The following QRFPR variants were observed in gnomAD, a reference collection of about 807,000 sequenced individuals.
QRFPR encodes the protein pyroglutamylated RFamide peptide receptor.
In QRFPR, 37 loss-of-function variants were observed where a neutral mutation model predicts 31.3. The ratio of observed to expected loss-of-function variants is 1.18; its 90% CI spans 0.91 to 1.56. QRFPR has a LOEUF of 1.56. Ranked by LOEUF, QRFPR falls within the 40% of genes most tolerant of loss-of-function variation. The pLI is 0.00. For missense variants in QRFPR, 542 were observed against 532.5 expected (o/e 1.02, Z -0.18); for synonymous variants, 197 against 192.0 (o/e 1.03, Z -0.22).
intron 2 of QRFPR, among the ~76,000 whole-genome samples, chr4:121,337,259 G>A (rs996905607): frequency 3.9e-5 from 6 of 152,052 alleles, no homozygotes; most frequent in East Asian, 1.9e-4. Context: ...AATGCACTGC[G>A]CCACTCCCTG....
At chr4:121,368,445 G>T (rs929790257) in intron 1 of QRFPR, among the ~76,000 whole-genome samples, 1 of 150,380 alleles carries the variant, frequency 6.6e-6, no homozygotes, top group Non-Finnish European at 1.5e-5. Context: ...TGCAAGAAAG[G>T]CTCTGCTAGA....
chr4:121,343,612 A>T (rs1453849892), intron 1 of QRFPR, among the ~76,000 whole-genome samples: 1 of 152,226 alleles, frequency 6.6e-6, no homozygotes, highest in East Asian at 1.9e-4. Flanking sequence ...TACTTGAATA[A>T]ATGAATATGG....
rs770186532 is a variant in QRFPR, at chr4:121,340,553, A to T, written c.398T>A (p.Ile133Asn). Residue 133 changes from isoleucine (I) to asparagine (N), a missense_variant, in exon 2 of 6, where the codon ATC (isoleucine) becomes AAC (asparagine). Physicochemically the swap from Ile to Asn is moderately radical, Grantham distance 149. Transcript: ENST00000394427. Reference protein sequence around the residue: ...FVQSTAVVTEILTMTCIAVER... With the variant: ...FVQSTAVVTENLTMTCIAVER... ...CACAGCAATGCAGGTCATAGTGAGG[A>T]TTTCTGTCACAACAGCGGTAGACTG... The T allele has an allele frequency of 6.2e-7, 1 of 1,614,088 alleles. No individual in the cohort carries two copies. Among genetic ancestry groups the T allele is most frequent in the Admixed American group, 1.7e-5 (1 of 59,986 alleles).
chr4:121,339,195 A>C (rs1170954987), intron 2 of QRFPR, among the ~76,000 whole-genome samples: 1 of 152,212 alleles, frequency 6.6e-6, no homozygotes, highest in African/African-American at 2.4e-5. Context: ...ATGTTTACTC[A>C]TTCTTCTCAA....
At chr4:121,376,237 C>T (rs1217427475) in intron 1 of QRFPR, among the ~76,000 whole-genome samples, 2 of 152,178 alleles carry the variant, frequency 1.3e-5, no homozygotes, top group Non-Finnish European at 2.9e-5. Context: ...CTTCTGCTAG[C>T]TCCATGTTGG....
At chr4:121,336,770 T>C (rs1308691724) in intron 3 of QRFPR, 37 bp downstream of exon 3, 4 of 1,499,156 alleles carry the variant, frequency 2.7e-6, no homozygotes, top group South Asian at 1.1e-5. Context: ...GAGAAAATAG[T>C]TCAACAATAT....
rs1198077656 is a variant in QRFPR at position 121,332,984 on chromosome 4, T to C, written c.634A>G (p.Lys212Glu). 2 of 1,546,580 alleles carry C rather than the reference T, an allele frequency of 1.3e-6. No individual in the cohort carries two copies. Among genetic ancestry groups the C allele is most frequent in the Non-Finnish European group, 1.7e-6 (2 of 1,148,748 alleles). ...LEEWTSPVHQ[K>E]IYTTFILVIL... ...ACAAGGATGAAGGTGGTGTAGATCT[T>C]CTGGTGCACAGGGCTGGTCCACTCT... Residue 212 changes from lysine to glutamate, a missense_variant, in exon 4 of 6, where the codon AAG (lysine) becomes GAG (glutamate). Coordinates refer to ENST00000394427, the MANE Select transcript of QRFPR (RefSeq NM_198179.3).
intron 1 of QRFPR, among the ~76,000 whole-genome samples, chr4:121,347,279 G>T (rs527686130): frequency 6.6e-6 from 1 of 152,116 alleles, no homozygotes; most frequent in Admixed American, 6.6e-5. Context: ...AAAAAGAATA[G>T]GTGCCTGCCT....
At chr4:121,331,807 C>G (rs1725332512) in intron 4 of QRFPR, among the ~76,000 whole-genome samples, 2 of 151,954 alleles carry the variant, frequency 1.3e-5, no homozygotes, top group South Asian at 2.1e-4. Context: ...CACCCACGAC[C>G]ACGCCTGGCT....
chr4:121,358,576 T>C (rs907074860), intron 1 of QRFPR, among the ~76,000 whole-genome samples: 8 of 152,254 alleles, frequency 5.3e-5, no homozygotes, highest in Admixed American at 5.2e-4. Flanking sequence ...AATCATTTTC[T>C]TTATTCTTAA....
intron 1 of QRFPR, among the ~76,000 whole-genome samples, chr4:121,362,779 G>T (rs1315000144): frequency 1.3e-5 from 2 of 149,962 alleles, no homozygotes; most frequent in Non-Finnish European, 3.0e-5. Context: ...AAAAATAAAA[G>T]AATCTAGACA....
rs550372963 is a variant in QRFPR at position 121,337,771 on chromosome 4, T to A, written c.500-903A>T. Among the ~76,000 whole-genome samples, 19 of 152,164 alleles carry A rather than the reference T, an allele frequency of 1.2e-4. No homozygotes were observed. In the South Asian group the frequency reaches 3.9e-3, roughly 32 times the overall value. ...CTGATAACTTCAGAAACCAAAATGC[T>A]CTTTCCAAATTTCCTGTCTTCCACG... On this transcript the variant is annotated intron_variant, in intron 2 of 5. Coordinates refer to ENST00000394427, the MANE Select transcript of QRFPR (RefSeq NM_198179.3).
intron 1 of QRFPR, among the ~76,000 whole-genome samples, chr4:121,349,288 C>T (rs1227318859): frequency 6.6e-6 from 1 of 151,842 alleles, no homozygotes; most frequent in African/African-American, 2.4e-5. Context: ...ACTCTCAGTC[C>T]TTTACCTCTG....
chr4:121,363,398 A>T lies in QRFPR; in HGVS notation c.340+16910T>A, dbSNP rs77210348. Among the ~76,000 whole-genome samples, 15 of 150,164 alleles carry T rather than the reference A, an allele frequency of 1.0e-4. 1 individual carries two copies. The East Asian group carries it at 2.8e-3, about 28-fold the overall frequency. ...CTTCACATGTCAATCATGCTGGCCTAAAGCACTGCCCTTCCTTACCAACCC... is the reference window on the plus strand; with the variant it reads ...CTTCACATGTCAATCATGCTGGCCTTAAGCACTGCCCTTCCTTACCAACCC... On this transcript the variant is annotated intron_variant, in intron 1 of 5. Coordinates refer to ENST00000394427, the MANE Select transcript of QRFPR (RefSeq NM_198179.3).
intron 3 of QRFPR, among the ~76,000 whole-genome samples, chr4:121,336,161 C>T (rs1725431910): frequency 6.6e-6 from 1 of 152,090 alleles, no homozygotes; most frequent in African/African-American, 2.4e-5. Context: ...AACCCCCTAC[C>T]GTCTTTGAAA....
At chr4:121,359,310 T>C (rs1172353831) in intron 1 of QRFPR, among the ~76,000 whole-genome samples, 1 of 152,198 alleles carries the variant, frequency 6.6e-6, no homozygotes, top group Non-Finnish European at 1.5e-5. Flanking sequence ...TCCCTGGGTG[T>C]CTTTGTGAGG....
At position 121,342,189 on chromosome 4, in the gene QRFPR, A is replaced by G. The variant is rs188927837; in HGVS notation, c.341-1579T>C. ...GCTCTCTGCTGAAACTGGAACTTGC[A>G]CTTTCTCCTGCCCTTTGACATCAAT... On this transcript the variant is annotated intron_variant, in intron 1 of 5. Transcript: ENST00000394427. Among the ~76,000 whole-genome samples the G allele has an allele frequency of 2.4e-3, 362 of 152,236 alleles. 1 individual carries two copies. The highest frequency in any genetic ancestry group is 4.2e-3 in the Non-Finnish European group (288 of 68,016).
At chr4:121,330,188 G>A (rs1036715671) in intron 5 of QRFPR, among the ~76,000 whole-genome samples, 2 of 152,216 alleles carry the variant, frequency 1.3e-5, no homozygotes, top group Non-Finnish European at 2.9e-5. Context: ...AACAGAAGGA[G>A]TAACATGGGA....
chr4:121,366,447 G>A (rs1454248047), intron 1 of QRFPR, among the ~76,000 whole-genome samples: 1 of 149,642 alleles, frequency 6.7e-6, no homozygotes, highest in Non-Finnish European at 1.5e-5. Context: ...TTCAATCCTA[G>A]GTCTTGAAAG....
Sources: allele counts gnomAD v4.1 joint callset (sites outside exome capture counted in the v4.1 genomes callset), GRCh38; gene constraint gnomAD v4.1.1; transcripts MANE v1.5; gene names NCBI Gene and HGNC (gene_info 2026-07-23, HGNC 2026-07-21).